The following NOTCH2NLR variants were observed in gnomAD, a reference collection of about 807,000 sequenced individuals.
NOTCH2NLR encodes notch 2 N-terminal like R, also known as notch 2 N-terminal like R (pseudogene).
NOTCH2NLR carries 33 observed loss-of-function variants against 35.6 expected under a neutral mutation model. The observed-to-expected ratio is 0.93, with a 90% confidence interval of 0.70 to 1.24. The LOEUF (loss-of-function observed/expected upper bound fraction) is 1.24. Ranked by LOEUF, NOTCH2NLR falls within the 50% of genes most tolerant of loss-of-function variation. The pLI, the probability that NOTCH2NLR is intolerant of heterozygous loss-of-function variation, is 0.00. For missense variants in NOTCH2NLR, 276 were observed against 362.2 expected (o/e 0.76, Z 1.93); for synonymous variants, 103 against 141.0 (o/e 0.73, Z 1.91).
Position 120,793,685 on chromosome 1 carries a change from T to C in NOTCH2NLR, c.752-62T>C, listed in dbSNP as rs1341029357. On this transcript the variant is annotated intron_variant, in intron 4 of 4. Coordinates refer to ENST00000624419, the Ensembl canonical transcript of NOTCH2NLR. ...GGTCCATAAACTGAGCAGGGGATAA[T>C]TTAGCATGTCAGGGTTTATGATGAT... 1.5e-5 allele frequency: 9 copies of C among 620,356 alleles called. 2 individuals are homozygous for C. Among genetic ancestry groups the C allele is most frequent in the Non-Finnish European group, 2.6e-5 (9 of 349,964 alleles). 38.4% of individuals were successfully genotyped at this position (620,356 alleles called of 1,614,324 possible). A position where few individuals can be genotyped will look rare whatever the true frequency, so the allele number is the denominator to read the frequency against.
intron 3 of NOTCH2NLR, among the ~76,000 whole-genome samples, chr1:120,791,420 G>T (rs1300793727): frequency 9.3e-6 from 1 of 107,756 alleles, no homozygotes; most frequent in Non-Finnish European, 1.7e-5. Context: ...ATGATAGACT[G>T]GATTAAGAAA....
intron 3 of NOTCH2NLR, among the ~76,000 whole-genome samples, chr1:120,791,771 G>T (rs1173214420): frequency 1.4e-5 from 1 of 73,934 alleles, no homozygotes; most frequent in African/African-American, 1.3e-4. Context: ...TGTTGTGCAC[G>T]TGTACCCTAG....
At chr1:120,793,389 G>A in exon 4 of NOTCH2NLR, 1 of 1,436,808 alleles carries the variant, frequency 7.0e-7, no homozygotes, top group Non-Finnish European at 9.3e-7. Context: ...GGCTTCACAG[G>A]CCAGTACTGT....
At chr1:120,754,440 T>G (rs1359053849) in intron 1 of NOTCH2NLR, among the ~76,000 whole-genome samples, 2 of 87,154 alleles carry the variant, frequency 2.3e-5, no homozygotes, top group Non-Finnish European at 4.1e-5. Context: ...TACAGCTTCT[T>G]CCTCTCTGTT....
chr1:120,727,992 T>A (rs2101341375), intron 1 of NOTCH2NLR, among the ~76,000 whole-genome samples: 1 of 119,444 alleles, frequency 8.4e-6, no homozygotes, highest in East Asian at 2.1e-4. Context: ...GGTCCTCCAT[T>A]TTCTGATGTT....
intron 1 of NOTCH2NLR, among the ~76,000 whole-genome samples, chr1:120,729,511 AG>A (rs1650853221): frequency 9.2e-6 from 1 of 109,002 alleles, no homozygotes; most frequent in South Asian, 2.7e-4. Flanking sequence ...AGACCTGTGC[AG>A]GTGATAGGGA....
Position 120,730,532 on chromosome 1 carries a change from C to T in NOTCH2NLR, c.73+6282C>T, listed in dbSNP as rs1232754415. On this transcript the variant is annotated intron_variant, in intron 1 of 4. Transcript: ENST00000624419. ...AAAGGATATGCTCATAGGCTTGAGA[C>T]GGGACAAACTGCATCACTGGTAGTG... Among the ~76,000 whole-genome samples the T allele has an allele frequency of 3.4e-4, 34 of 99,904 alleles. 8 individuals carry two copies. Among genetic ancestry groups the T allele is most frequent in the African/African-American group, 2.3e-3 (33 of 14,448 alleles). 65.5% of individuals were successfully genotyped at this position (99,904 alleles called of 152,430 possible). A position where few individuals can be genotyped will look rare whatever the true frequency, so the allele number is the denominator to read the frequency against.
rs1651514138 is a variant in NOTCH2NLR at position 120,793,293 on chromosome 1, T to A, written c.548T>A (p.Val183Asp). The A allele has an allele frequency of 2.0e-5, 28 of 1,395,770 alleles. 9 individuals are homozygous for A. The highest frequency in any genetic ancestry group is 1.9e-5 in the Non-Finnish European group (20 of 1,038,808). The allele number at this position is 1,395,770 out of a possible 1,614,324, so 86.5% of individuals were successfully genotyped here. The change falls in exon 4 of 5, where the codon GTC (valine) becomes GAC (aspartate). Residue 183 changes from valine to aspartate, a missense_variant. Transcript: ENST00000624419. ...ACAGGGCAGAAGTGTGAGACTGATGTCAATGAGTGTGACATTCCAGGACAC... is the reference window on the plus strand; with the variant it reads ...ACAGGGCAGAAGTGTGAGACTGATGACAATGAGTGTGACATTCCAGGACAC...
At chr1:120,726,850 G>A (rs1472942990) in intron 1 of NOTCH2NLR, among the ~76,000 whole-genome samples, 1 of 105,148 alleles carries the variant, frequency 9.5e-6, no homozygotes, top group Non-Finnish European at 1.8e-5. Context: ...TAACTTCTTG[G>A]GATCTCTCTG....
At chr1:120,728,034 T>A (rs1650834813) in intron 1 of NOTCH2NLR, among the ~76,000 whole-genome samples, 2 of 118,884 alleles carry the variant, frequency 1.7e-5, no homozygotes, top group East Asian at 4.1e-4. Context: ...CAATTAGAGT[T>A]GAGACTAGAA....
intron 1 of NOTCH2NLR, among the ~76,000 whole-genome samples, chr1:120,743,793 G>A (rs1650955792): frequency 7.9e-6 from 1 of 126,344 alleles, no homozygotes; most frequent in Non-Finnish European, 1.6e-5. Flanking sequence ...GTGAGCCCAG[G>A]GAATGTGCTT....
At chr1:120,745,031 G>A (rs1650965160) in intron 1 of NOTCH2NLR, among the ~76,000 whole-genome samples, 1 of 42,966 alleles carries the variant, frequency 2.3e-5, no homozygotes, top group South Asian at 7.1e-4. Flanking sequence ...GAGGCAGGAG[G>A]ATTGCTTGAG....
intron 1 of NOTCH2NLR, among the ~76,000 whole-genome samples, chr1:120,727,309 C>T (rs1650826549): frequency 9.6e-6 from 1 of 104,554 alleles, no homozygotes; most frequent in East Asian, 2.3e-4. Context: ...TTTTTACCTT[C>T]AGGTGTGTGT....
rs1289532136 is a variant in NOTCH2NLR, at chr1:120,733,427, CT to C, written c.73+9179del. On this transcript the variant is annotated intron_variant, in intron 1 of 4. Coordinates refer to ENST00000624419, the Ensembl canonical transcript of NOTCH2NLR. ...AATATTAAGGGTGTTAGTCTTTTGT[CT>C]TAAATATGTCACAATATGTATGGAA... Among the ~76,000 whole-genome samples, 2 of 101,938 alleles carry C rather than the reference CT, an allele frequency of 2.0e-5. 1 individual carries two copies. Among genetic ancestry groups the C allele is most frequent in the Non-Finnish European group, 3.6e-5 (2 of 55,888 alleles). The allele number at this position is 101,938 out of a possible 152,430, so 66.9% of individuals were successfully genotyped here. A position where few individuals can be genotyped will look rare whatever the true frequency, so the allele number is the denominator to read the frequency against.
intron 2 of NOTCH2NLR, among the ~76,000 whole-genome samples, chr1:120,764,398 C>T (rs1651166808): frequency 2.1e-5 from 2 of 94,006 alleles, no homozygotes; most frequent in South Asian, 6.5e-4. Flanking sequence ...AATATTCGGC[C>T]CAGTATATGT....
Position 120,790,206 on chromosome 1 carries a change from G to A in NOTCH2NLR, c.416-2955G>A, listed in dbSNP as rs1288284960. Among the ~76,000 whole-genome samples the A allele has an allele frequency of 4.8e-5, 5 of 103,430 alleles. 2 individuals carry two copies. The highest frequency in any genetic ancestry group is 1.9e-4 in the African/African-American group (3 of 15,780). The allele number at this position is 103,430 out of a possible 152,430, so 67.9% of individuals were successfully genotyped here. A position where few individuals can be genotyped will look rare whatever the true frequency, so the allele number is the denominator to read the frequency against. ...AATTTTTGTATTTTTAGTAGAGATG[G>A]GCTTTCACCTTGTTAGCCAGAATGG... is the stretch of plus-strand genomic sequence containing the variant. On this transcript the variant is annotated intron_variant, in intron 3 of 4. Coordinates refer to ENST00000624419, the Ensembl canonical transcript of NOTCH2NLR.
chr1:120,768,582 C>T lies in NOTCH2NLR; in HGVS notation c.155+4873C>T, dbSNP rs1333123727. On this transcript the variant is annotated intron_variant, in intron 2 of 4. Coordinates refer to ENST00000624419, the Ensembl canonical transcript of NOTCH2NLR. ...CTTGCACACTCTTCCTCTTCTGCTG[C>T]ATGAACTGGGGTGTACCTTCACGAT... 2.7e-5 allele frequency among the ~76,000 whole-genome samples: 3 copies of T among 109,210 alleles called. 1 individual carries two copies. The highest frequency in any genetic ancestry group is 5.1e-5 in the Non-Finnish European group (3 of 58,856). The allele number at this position is 109,210 out of a possible 152,430, so 71.6% of individuals were successfully genotyped here. A position where few individuals can be genotyped will look rare whatever the true frequency, so the allele number is the denominator to read the frequency against.
chr1:120,750,117 CAGATGTAGTGAGTGAAAGGAATGT>C (rs1318180302), intron 1 of NOTCH2NLR, among the ~76,000 whole-genome samples: 1 of 77,362 alleles, frequency 1.3e-5, no homozygotes, highest in Admixed American at 1.3e-4. Flanking sequence ...TGCGTATTTA[CAGATGTAGTGAGTGAAAGGAATGT>C]TGGGTCAGTA....
chr1:120,762,553 A>G (rs1406364908), intron 1 of NOTCH2NLR, among the ~76,000 whole-genome samples: 1 of 109,230 alleles, frequency 9.2e-6, no homozygotes, highest in Non-Finnish European at 1.8e-5. Flanking sequence ...GCTTTCAGGT[A>G]TTTATACATT....
Sources: gnomAD v4.1 joint callset for allele counts (sites outside exome capture counted in the v4.1 genomes callset) on GRCh38, gnomAD v4.1.1 for gene constraint, MANE v1.5 for transcripts, NCBI Gene and HGNC (gene_info 2026-07-23, HGNC 2026-07-21) for gene names.